Variants in ADAM32 observed in about 807,000 individuals in gnomAD.
ADAM32 encodes disintegrin and metalloproteinase domain-containing protein 32.
ADAM32 carries 89 observed loss-of-function variants against 114.9 expected under a neutral mutation model. The observed-to-expected ratio is 0.77, with a 90% CI of 0.65 to 0.92. ADAM32 has a LOEUF of 0.92. Ranked by LOEUF, ADAM32 falls within the 40% of genes least tolerant of loss-of-function variation. The pLI, the probability that ADAM32 is intolerant of heterozygous loss-of-function variation, is 0.00. For missense variants in ADAM32, 870 were observed against 932.8 expected (o/e 0.93, Z 0.88); for synonymous variants, 285 against 307.5 (o/e 0.93, Z 0.77).
intron 6 of ADAM32, among the ~76,000 whole-genome samples, chr8:39,156,797 C>T (rs944342622): frequency 3.3e-5 from 5 of 152,152 alleles, no homozygotes; most frequent in Non-Finnish European, 4.4e-5. Flanking sequence ...CTAATTTTCT[C>T]TTATAAAGAT....
intron 2 of ADAM32, among the ~76,000 whole-genome samples, chr8:39,129,668 C>T (rs768112906): frequency 7.2e-5 from 11 of 152,092 alleles, no homozygotes; most frequent in Non-Finnish European, 1.6e-4. Context: ...AATTGTATAA[C>T]CACCATAATT....
At chr8:39,203,662 G>A (rs1280418598) in intron 11 of ADAM32, among the ~76,000 whole-genome samples, 6 of 152,180 alleles carry the variant, frequency 3.9e-5, no homozygotes, top group Admixed American at 3.9e-4. Flanking sequence ...GTGTGAATTT[G>A]ATCCTGTCAT....
chr8:39,242,840 C>A (rs1195028542), intron 16 of ADAM32, among the ~76,000 whole-genome samples: 1 of 151,982 alleles, frequency 6.6e-6, no homozygotes, highest in Non-Finnish European at 1.5e-5. Flanking sequence ...ATAGATGAAA[C>A]AAAAGCTGGT....
intron 3 of ADAM32, among the ~76,000 whole-genome samples, chr8:39,142,479 T>A (rs1210421773): frequency 6.6e-6 from 1 of 152,222 alleles, no homozygotes; most frequent in Non-Finnish European, 1.5e-5. Flanking sequence ...TTTGGCTGGA[T>A]ATGAGATTCT....
At chr8:39,281,679 G>C (rs13265849) in intron 23 of ADAM32, among the ~76,000 whole-genome samples, 2 of 151,852 alleles carry the variant, frequency 1.3e-5, no homozygotes, top group African/African-American at 2.4e-5. Context: ...TGTTAACAAG[G>C]GTTCTCTGAA....
At chr8:39,148,954 A>G (rs751147585) in intron 4 of ADAM32, among the ~76,000 whole-genome samples, 13 of 152,202 alleles carry the variant, frequency 8.5e-5, no homozygotes, top group South Asian at 4.1e-4. Context: ...TTTGTAATCT[A>G]TTGAGTCCTG....
At chr8:39,240,565 C>T (rs974286862) in intron 16 of ADAM32, among the ~76,000 whole-genome samples, 4 of 152,156 alleles carry the variant, frequency 2.6e-5, no homozygotes, top group African/African-American at 9.7e-5. Context: ...GGGCAATTTA[C>T]AAAAGAAAGA....
intron 4 of ADAM32, among the ~76,000 whole-genome samples, chr8:39,148,403 C>T (rs1328878491): frequency 1.3e-5 from 2 of 151,976 alleles, no homozygotes; most frequent in African/African-American, 4.8e-5. Context: ...CAGGTCTTTA[C>T]TCAAAATCAC....
chr8:39,162,183 C>G (rs1248338804), intron 7 of ADAM32, among the ~76,000 whole-genome samples: 1 of 129,184 alleles, frequency 7.7e-6, no homozygotes, highest in Admixed American at 9.0e-5. Flanking sequence ...ACAATAGGCC[C>G]TGGTGTGTGA....
chr8:39,120,565 C>G (rs1319625343), intron 2 of ADAM32, among the ~76,000 whole-genome samples: 3 of 151,894 alleles, frequency 2.0e-5, no homozygotes, highest in Non-Finnish European at 4.4e-5. Flanking sequence ...AGTTCAAGAC[C>G]AACCTGGGTA....
chr8:39,219,086 C>T (rs911214852), intron 12 of ADAM32, among the ~76,000 whole-genome samples: 5 of 151,968 alleles, frequency 3.3e-5, no homozygotes, highest in Admixed American at 2.0e-4. Context: ...GGGACTTCAC[C>T]ACCCTGATCA....
intron 14 of ADAM32, among the ~76,000 whole-genome samples, chr8:39,228,175 A>T (rs1241918741): frequency 6.6e-6 from 1 of 152,212 alleles, no homozygotes; most frequent in Non-Finnish European, 1.5e-5. Flanking sequence ...AAAGAATCTG[A>T]ACAAAAGCCT....
At chr8:39,146,242 G>T (rs140438873) in intron 3 of ADAM32, among the ~76,000 whole-genome samples, 283 of 152,114 alleles carry the variant, frequency 1.9e-3, no homozygotes, top group African/African-American at 6.1e-3. Flanking sequence ...TAATACCAAA[G>T]TTGAACTTAG....
intron 6 of ADAM32, among the ~76,000 whole-genome samples, chr8:39,152,103 T>C (rs370129786): frequency 6.6e-6 from 1 of 152,158 alleles, no homozygotes; most frequent in South Asian, 2.1e-4. Context: ...CTTTAAAAAC[T>C]CAGTTCCTGC....
chr8:39,258,231 T>A (rs1811787104), intron 19 of ADAM32, among the ~76,000 whole-genome samples: 1 of 152,032 alleles, frequency 6.6e-6, no homozygotes, highest in East Asian at 1.9e-4. Flanking sequence ...TCTCTATTTC[T>A]ATTGTTTTTT....
intron 10 of ADAM32, among the ~76,000 whole-genome samples, chr8:39,180,902 CTG>C (rs1805837089): frequency 6.6e-6 from 1 of 152,220 alleles, no homozygotes; most frequent in Non-Finnish European, 1.5e-5. Context: ...AATCGACACT[CTG>C]TATCTAGCTG....
Position 39,136,682 on chromosome 8 carries a change from T to A in ADAM32, c.164T>A (p.Ile55Lys), listed in dbSNP as rs765162076. ...EYEQISYIIP[I>K]DEKLYTVHLK... Reference sequence around the variant, plus strand: ...GAACAAATATCCTATATTATTCCAATAGATGAGAAACTGTACACTGTGCAC... The same window carrying A: ...GAACAAATATCCTATATTATTCCAAAAGATGAGAAACTGTACACTGTGCAC... The change falls in exon 3 of 25, where the codon ATA (isoleucine) becomes AAA (lysine). Residue 55 changes from isoleucine (I) to lysine (K), a missense_variant. Transcript: ENST00000379907. The A allele has an allele frequency of 7.1e-6, 11 of 1,544,448 alleles. No homozygotes were observed. Among genetic ancestry groups the A allele is most frequent in the Non-Finnish European group, 8.7e-6 (10 of 1,144,742 alleles).
chr8:39,275,325 C>T (rs1813006534), intron 21 of ADAM32, among the ~76,000 whole-genome samples: 1 of 152,172 alleles, frequency 6.6e-6, no homozygotes. Flanking sequence ...CTCTCTGTTA[C>T]TATCACTAGA....
intron 2 of ADAM32, among the ~76,000 whole-genome samples, chr8:39,119,437 G>C (rs1840505801): frequency 6.6e-6 from 1 of 152,074 alleles, no homozygotes; most frequent in African/African-American, 2.4e-5. Context: ...TGTAATTGTG[G>C]CTTCAATTTG....
Sources: gnomAD v4.1 joint callset for allele counts (sites outside exome capture counted in the v4.1 genomes callset) on GRCh38, gnomAD v4.1.1 for gene constraint, MANE v1.5 for transcripts, NCBI Gene and HGNC (gene_info 2026-07-23, HGNC 2026-07-21) for gene names.